Variants in SGCD observed in about 807,000 individuals in gnomAD.
The protein encoded by SGCD is sarcoglycan delta, also known as delta-sarcoglycan.
Under a neutral mutation model 36.6 loss-of-function variants are expected in SGCD, and 18 were observed. The ratio of observed to expected loss-of-function variants is 0.49; its 90% confidence interval spans 0.34 to 0.73. SGCD has a LOEUF of 0.73. Among genes scored for constraint, SGCD ranks in the 30% least tolerant of loss-of-function variants. The pLI is 0.01. For synonymous variants in SGCD, 133 were observed against 130.6 expected (o/e 1.02, Z -0.12); for missense variants, 387 against 346.7 (o/e 1.12, Z -0.92).
At chr5:156,424,239 G>A (rs531047218) in intron 3 of SGCD, among the ~76,000 whole-genome samples, 4 of 151,934 alleles carry the variant, frequency 2.6e-5, no homozygotes, top group Non-Finnish European at 5.9e-5. Context: ...ATAAAATGGT[G>A]TGTATCTGAT....
the SGCD span, among the ~76,000 whole-genome samples, chr5:155,835,322 T>A: frequency 6.6e-6 from 1 of 152,120 alleles, no homozygotes; most frequent in East Asian, 1.9e-4. Context: ...AATCATTGTT[T>A]TTGAAACAAA....
In SGCD at chr5:156,008,386, A is replaced by AT. The variant is rs574678429; in HGVS notation, c.-281-109485dup. Among the ~76,000 whole-genome samples the AT allele has an allele frequency of 3.1e-4, 46 of 150,458 alleles. No homozygotes were observed. The South Asian group carries it at 6.8e-3, about 22-fold the overall frequency. On this transcript the variant is annotated intron_variant, in intron 1 of 9. Transcript: ENST00000517913. ...TCTTCCTCTTCTTTCCTTTCTTTTTATTTTTTTGAGACAGGTTCTGGCTCT... is the reference window on the plus strand; with the variant it reads ...TCTTCCTCTTCTTTCCTTTCTTTTTATTTTTTTTGAGACAGGTTCTGGCTCT...
chr5:156,458,205 C>A (rs1315083994), intron 3 of SGCD, among the ~76,000 whole-genome samples: 7 of 152,332 alleles, frequency 4.6e-5, no homozygotes, highest in Admixed American at 3.9e-4. Flanking sequence ...CACTTTCTCC[C>A]TCTCCGTCCC....
chr5:156,132,704 G>A (rs1220812589), intron 3 of SGCD, among the ~76,000 whole-genome samples: 1 of 151,668 alleles, frequency 6.6e-6, no homozygotes, highest in Non-Finnish European at 1.5e-5. Context: ...TCCTGACCTC[G>A]TGATCCGCCC....
chr5:156,369,591 A>G (rs918987155), intron 3 of SGCD, among the ~76,000 whole-genome samples: 6 of 152,194 alleles, frequency 3.9e-5, no homozygotes, highest in East Asian at 1.9e-4. Context: ...GCCACTCCCT[A>G]TTGGATAATC....
chr5:155,870,766 T>C (rs926772090), intron 1 of SGCD, among the ~76,000 whole-genome samples: 1 of 152,174 alleles, frequency 6.6e-6, no homozygotes, highest in Admixed American at 6.6e-5. Flanking sequence ...GATTTCTGTG[T>C]AGACATGTGA....
chr5:155,978,151 G>T (rs538389776), intron 1 of SGCD, among the ~76,000 whole-genome samples: 2 of 152,262 alleles, frequency 1.3e-5, no homozygotes, highest in East Asian at 3.9e-4. Context: ...ATGCATCTCT[G>T]AAAAGACCAG....
chr5:156,020,276 T>C (rs538438343), intron 1 of SGCD, among the ~76,000 whole-genome samples: 1 of 152,222 alleles, frequency 6.6e-6, no homozygotes, highest in East Asian at 1.9e-4. Context: ...TATTTAAATG[T>C]TTTTATTGAA....
the SGCD span, among the ~76,000 whole-genome samples, chr5:155,792,639 C>T: frequency 6.6e-6 from 1 of 151,924 alleles, no homozygotes; most frequent in African/African-American, 2.4e-5. Context: ...AAGGAGCCAA[C>T]AAACATATGA....
At chr5:156,551,878 C>T (rs1269562277) in intron 4 of SGCD, among the ~76,000 whole-genome samples, 1 of 152,174 alleles carries the variant, frequency 6.6e-6, no homozygotes, top group African/African-American at 2.4e-5. Context: ...CCAGTTTTCT[C>T]CTGTTCTTCT....
At chr5:155,741,727 C>G in the SGCD span, among the ~76,000 whole-genome samples, 240 of 141,726 alleles carry the variant, frequency 1.7e-3, 2 homozygotes, top group African/African-American at 5.8e-3. Flanking sequence ...AAGTCTTGCT[C>G]TGTCACCCAG....
chr5:156,702,309 G>A (rs1754559038), intron 7 of SGCD, among the ~76,000 whole-genome samples: 1 of 151,940 alleles, frequency 6.6e-6, no homozygotes, highest in African/African-American at 2.4e-5. Context: ...AAACATGGAG[G>A]CCTACATTTC....
At chr5:156,713,873 C>T (rs1329354083) in intron 7 of SGCD, among the ~76,000 whole-genome samples, 1 of 152,222 alleles carries the variant, frequency 6.6e-6, no homozygotes, top group Non-Finnish European at 1.5e-5. Flanking sequence ...CTTTGAGCTG[C>T]TTAATCCTAA....
intron 1 of SGCD, among the ~76,000 whole-genome samples, chr5:156,076,561 ACT>A (rs1760789972): frequency 6.6e-6 from 1 of 151,916 alleles, no homozygotes; most frequent in Non-Finnish European, 1.5e-5. Flanking sequence ...CAGCCTCTGG[ACT>A]CTCTTGAAAT....
intron 4 of SGCD, among the ~76,000 whole-genome samples, chr5:156,515,143 C>A (rs1416885155): frequency 6.6e-6 from 1 of 152,008 alleles, no homozygotes; most frequent in African/African-American, 2.4e-5. Context: ...TGCTGTGTTA[C>A]CTTCTTCTAA....
chr5:156,166,299 A>G (rs1397390885), intron 3 of SGCD, among the ~76,000 whole-genome samples: 1 of 152,038 alleles, frequency 6.6e-6, no homozygotes, highest in Non-Finnish European at 1.5e-5. Context: ...AGACGTATTG[A>G]CGAAGCTGAG....
intron 4 of SGCD, among the ~76,000 whole-genome samples, chr5:156,552,148 C>T (rs949050387): frequency 1.3e-5 from 2 of 152,184 alleles, no homozygotes; most frequent in Non-Finnish European, 2.9e-5. Context: ...ACTCCCATCC[C>T]CACTGCTCAT....
intron 6 of SGCD, among the ~76,000 whole-genome samples, chr5:156,619,349 C>T (rs1762154472): frequency 6.6e-6 from 1 of 152,200 alleles, no homozygotes; most frequent in African/African-American, 2.4e-5. Context: ...CAACATTTAA[C>T]AAGGGAGGGA....
rs545763832 is a variant in SGCD, at chr5:156,561,794, G to A, written c.295-27437G>A. 2.6e-5 allele frequency among the ~76,000 whole-genome samples: 4 copies of A among 152,182 alleles called. No individual in the cohort carries two copies. In the South Asian group the frequency reaches 8.3e-4, roughly 32 times the overall value. On this transcript the variant is annotated intron_variant, in intron 4 of 8. Transcript: ENST00000337851. The stretch of plus-strand genomic sequence containing the variant: ...TTTTAATGTGGTCTTATGGAAAGAA[G>A]GCTAAATTTAGAATCAGTAATTTGG...
Sources: allele counts gnomAD v4.1 joint callset (sites outside exome capture counted in the v4.1 genomes callset), GRCh38; gene constraint gnomAD v4.1.1; transcripts MANE v1.5; gene names NCBI Gene and HGNC (gene_info 2026-07-23, HGNC 2026-07-21).